RORB: variants seen among roughly 807,000 people sequenced by gnomAD.
RORB encodes the protein RAR related orphan receptor B, also known as nuclear receptor ROR-beta.
A neutral mutation model predicts 59.1 loss-of-function variants in RORB; 6 were observed. The observed-to-expected ratio is 0.10, with a 90% confidence interval of 0.06 to 0.20. The LOEUF (loss-of-function observed/expected upper bound fraction) is 0.20. Among genes scored for constraint, RORB ranks in the 10% least tolerant of loss-of-function variants. RORB has a pLI of 1.00. For synonymous variants in RORB, 215 were observed against 204.5 expected, an observed-to-expected ratio of 1.05 and a Z score of -0.44; for missense variants, 320 against 560.5, an observed-to-expected ratio of 0.57 and a Z score of 4.33.
At chr9:74,533,953 T>C (rs899759352) in intron 1 of RORB, among the ~76,000 whole-genome samples, 5 of 152,024 alleles carry the variant, frequency 3.3e-5, no homozygotes, top group South Asian at 2.1e-4. Flanking sequence ...TAATCTTGAA[T>C]TGGGGAGAAA....
intron 1 of RORB, among the ~76,000 whole-genome samples, chr9:74,605,898 T>C (rs549557510): frequency 1.3e-5 from 2 of 152,270 alleles, no homozygotes; most frequent in East Asian, 3.9e-4. Flanking sequence ...TGTTCATTCC[T>C]AGGGTTCCTG....
At chr9:74,614,950 C>T (rs539594254) in intron 1 of RORB, among the ~76,000 whole-genome samples, 3 of 152,160 alleles carry the variant, frequency 2.0e-5, no homozygotes, top group South Asian at 2.1e-4. Flanking sequence ...GTGTGGGGCC[C>T]GGTGAGGTCA....
chr9:74,674,200 T>A (rs1044945176), intron 9 of RORB, among the ~76,000 whole-genome samples: 2 of 152,180 alleles, frequency 1.3e-5, no homozygotes, highest in Non-Finnish European at 2.9e-5. Flanking sequence ...CCATCACAGA[T>A]TCTTCTTATC....
intron 1 of RORB, among the ~76,000 whole-genome samples, chr9:74,608,348 G>A (rs1823181390): frequency 6.6e-6 from 1 of 152,020 alleles, no homozygotes; most frequent in Admixed American, 6.5e-5. Context: ...GGCGGATCAT[G>A]AGGTCAGAAG....
chr9:74,649,802 A>G (rs1298291242), intron 4 of RORB, among the ~76,000 whole-genome samples: 1 of 152,360 alleles, frequency 6.6e-6, no homozygotes, highest in East Asian at 1.9e-4. Context: ...TGTGCATATC[A>G]GTCACTACAG....
At chr9:74,512,681 T>C (rs1434812769) in intron 1 of RORB, among the ~76,000 whole-genome samples, 1 of 152,164 alleles carries the variant, frequency 6.6e-6, no homozygotes, top group Non-Finnish European at 1.5e-5. Context: ...AAAATGCCCA[T>C]AATGCTGAGA....
chr9:74,593,415 G>A (rs571087982), intron 1 of RORB, among the ~76,000 whole-genome samples: 73 of 145,244 alleles, frequency 5.0e-4, no homozygotes, highest in African/African-American at 1.7e-3. Flanking sequence ...GCAGTAAGCC[G>A]AGATCACACC....
chr9:74,644,820 C>T (rs1823870121), intron 4 of RORB, among the ~76,000 whole-genome samples: 1 of 152,094 alleles, frequency 6.6e-6, no homozygotes, highest in Non-Finnish European at 1.5e-5. Context: ...ATTAATAAAT[C>T]ATAACTTGTT....
intron 1 of RORB, among the ~76,000 whole-genome samples, chr9:74,546,696 T>C (rs1780878276): frequency 6.6e-6 from 1 of 152,180 alleles, no homozygotes; most frequent in Non-Finnish European, 1.5e-5. Flanking sequence ...GAATCAGCTG[T>C]GGATTTGATT....
At chr9:74,638,725 T>C (rs916887211) in intron 3 of RORB, among the ~76,000 whole-genome samples, 2 of 152,224 alleles carry the variant, frequency 1.3e-5, no homozygotes, top group Non-Finnish European at 2.9e-5. Context: ...AGTAGGTTTA[T>C]TTTTGCCATG....
At chr9:74,642,385 G>A in intron 3 of RORB, 29 bp from the exon 4 acceptor site, 1 of 1,578,494 alleles carries the variant, frequency 6.3e-7, no homozygotes, top group Non-Finnish European at 8.6e-7. Context: ...AACCACAAGT[G>A]CTGTTTTCTG....
In RORB at chr9:74,634,770, A is replaced by C; in HGVS notation, c.233A>C (p.Asp78Ala). Reference sequence around the variant, plus strand: ...TGTCTTGCCCTAGGAATGTCAAGAGATGGTAAGACATTACCTTCCTGTTTC... The same window carrying C: ...TGTCTTGCCCTAGGAATGTCAAGAGCTGGTAAGACATTACCTTCCTGTTTC... ...QKCLALGMSR[D>A]AVKFGRMSKK... is the part of the protein sequence containing the mutation. The change falls in exon 3 of 10, where the codon GAT (aspartate) becomes GCT (alanine). Residue 78 changes from aspartate (D) to alanine (A), a missense_variant and splice_region_variant. By Grantham distance (126) the Asp-to-Ala change is moderately radical (BLOSUM62 -2). Transcript: ENST00000376896. 6.2e-7 allele frequency: 1 copy of C among 1,611,272 alleles called. No individual in the cohort carries two copies. The highest frequency in any genetic ancestry group is 8.5e-7 in the Non-Finnish European group (1 of 1,178,766).
intron 4 of RORB, among the ~76,000 whole-genome samples, chr9:74,653,052 T>A (rs1824021578): frequency 6.6e-6 from 1 of 152,216 alleles, no homozygotes; most frequent in Non-Finnish European, 1.5e-5. Context: ...TTTCTGACAT[T>A]GCCATCAGTG....
At chr9:74,617,324 G>T (rs962513239) in intron 1 of RORB, among the ~76,000 whole-genome samples, 10 of 152,168 alleles carry the variant, frequency 6.6e-5, no homozygotes, top group Admixed American at 2.0e-4. Context: ...CAATTTGAAA[G>T]ATGGAAATTT....
chr9:74,657,432 G>T (rs1200595126), intron 4 of RORB, among the ~76,000 whole-genome samples: 1 of 152,074 alleles, frequency 6.6e-6, no homozygotes, highest in African/African-American at 2.4e-5. Context: ...AAGAAGTAAA[G>T]GTTGTAAAGA....
chr9:74,566,192 A>C (rs921072492), intron 1 of RORB, among the ~76,000 whole-genome samples: 7 of 152,134 alleles, frequency 4.6e-5, no homozygotes, highest in African/African-American at 1.7e-4. Context: ...GAAATCCATT[A>C]GCCCAAATAT....
chr9:74,642,385 G>T (rs1454649617), intron 3 of RORB, 29 bp from the exon 4 acceptor site: 3 of 1,578,494 alleles, frequency 1.9e-6, no homozygotes, highest in Non-Finnish European at 2.6e-6. Flanking sequence ...AACCACAAGT[G>T]CTGTTTTCTG....
chr9:74,690,860 T>C lies in RORB; in HGVS notation c.*5242T>C, dbSNP rs943632. ...TGTCTTGCCCAAACTCCCTTCTTCA[T>C]AGAGCCAGGGGGCTGGATTTCTTGC... On this transcript the variant is annotated 3_prime_UTR_variant, in exon 10 of 10. Transcript: ENST00000376896. The C allele has an allele frequency of 0.64, 97,854 of 152,000 alleles. 34,077 individuals carry two copies. Among genetic ancestry groups the C allele is most frequent in the South Asian group, 0.79 (3,797 of 4,820 alleles). The allele number at this position is 152,000 out of a possible 1,614,324, so 9.4% of individuals were successfully genotyped here. A position where few individuals can be genotyped will look rare whatever the true frequency, so the allele number is the denominator to read the frequency against.
intron 1 of RORB, among the ~76,000 whole-genome samples, chr9:74,610,127 C>G (rs1361599338): frequency 6.6e-6 from 1 of 152,204 alleles, no homozygotes; most frequent in Non-Finnish European, 1.5e-5. Context: ...TCTCACGACA[C>G]TTTCTCATGA....
Sources: gnomAD v4.1 joint callset for allele counts (sites outside exome capture counted in the v4.1 genomes callset) on GRCh38, gnomAD v4.1.1 for gene constraint, MANE v1.5 for transcripts, NCBI Gene and HGNC (gene_info 2026-07-23, HGNC 2026-07-21) for gene names.